The following SLC9A9 variants were observed in gnomAD, a reference collection of about 807,000 sequenced individuals.
SLC9A9 encodes the protein sodium/hydrogen exchanger 9.
A neutral mutation model predicts 77.8 loss-of-function variants in SLC9A9; 62 were observed. The observed-to-expected ratio is 0.80, with a 90% CI of 0.65 to 0.98. SLC9A9 has a LOEUF of 0.98. Ranked by LOEUF, SLC9A9 falls within the 50% of genes least tolerant of loss-of-function variation. SLC9A9 has a pLI of 0.00. For missense variants in SLC9A9, 775 were observed against 774.9 expected (o/e 1.00, Z 0.00); for synonymous variants, 320 against 283.5 (o/e 1.13, Z -1.29).
chr3:143,785,522 A>G (rs1474515105), intron 4 of SLC9A9, among the ~76,000 whole-genome samples: 1 of 152,214 alleles, frequency 6.6e-6, no homozygotes, highest in Non-Finnish European at 1.5e-5. Flanking sequence ...AGAACCACAG[A>G]ACTGCCCAGC....
chr3:143,532,336 C>T (rs1025561737), intron 9 of SLC9A9, among the ~76,000 whole-genome samples: 1 of 152,062 alleles, frequency 6.6e-6, no homozygotes, highest in African/African-American at 2.4e-5. Context: ...GGCTCCAGCA[C>T]ACTACTGGAT....
chr3:143,397,011 G>T (rs1268588838), intron 12 of SLC9A9, among the ~76,000 whole-genome samples: 1 of 152,214 alleles, frequency 6.6e-6, no homozygotes, highest in African/African-American at 2.4e-5. Flanking sequence ...CACAAATGCA[G>T]ATCTACATCC....
At chr3:143,648,645 G>A (rs1485773879) in intron 6 of SLC9A9, among the ~76,000 whole-genome samples, 2 of 152,178 alleles carry the variant, frequency 1.3e-5, no homozygotes, top group Non-Finnish European at 2.9e-5. Flanking sequence ...TATTACCTGA[G>A]CAATAATTCT....
chr3:143,735,126 T>G (rs1009912820), intron 4 of SLC9A9, among the ~76,000 whole-genome samples: 8 of 152,222 alleles, frequency 5.3e-5, no homozygotes, highest in African/African-American at 1.9e-4. Flanking sequence ...ACAGCCACAC[T>G]TCCTGTCCTT....
intron 4 of SLC9A9, among the ~76,000 whole-genome samples, chr3:143,788,402 A>G (rs2008118379): frequency 6.6e-6 from 1 of 152,146 alleles, no homozygotes; most frequent in Non-Finnish European, 1.5e-5. Context: ...AAAAGACATC[A>G]TGTATGAACT....
chr3:143,602,602 T>C (rs1293107233), intron 6 of SLC9A9, among the ~76,000 whole-genome samples: 1 of 152,218 alleles, frequency 6.6e-6, no homozygotes, highest in Admixed American at 6.5e-5. Context: ...ATAATTTCTT[T>C]TAAAAGACTA....
At chr3:143,558,651 G>T (rs527540673) in intron 8 of SLC9A9, among the ~76,000 whole-genome samples, 1 of 152,168 alleles carries the variant, frequency 6.6e-6, no homozygotes, top group Admixed American at 6.5e-5. Context: ...TCTCCTATTT[G>T]GAATGCAATG....
intron 11 of SLC9A9, among the ~76,000 whole-genome samples, chr3:143,477,991 C>T (rs571591558): frequency 3.1e-4 from 47 of 152,324 alleles, no homozygotes; most frequent in Non-Finnish European, 5.3e-4. Flanking sequence ...GGCTTTCTCT[C>T]GCTCTAGCTC....
intron 5 of SLC9A9, among the ~76,000 whole-genome samples, chr3:143,684,210 G>A (rs1282142251): frequency 2.0e-5 from 3 of 151,834 alleles, no homozygotes; most frequent in Non-Finnish European, 4.4e-5. Flanking sequence ...AGAACTCAAT[G>A]GGCCTTTTAT....
intron 12 of SLC9A9, among the ~76,000 whole-genome samples, chr3:143,407,994 G>C (rs922313062): frequency 6.6e-5 from 10 of 152,164 alleles, no homozygotes; most frequent in African/African-American, 2.4e-4. Flanking sequence ...AAGTTCCTGC[G>C]GAGGGCTTTT....
intron 6 of SLC9A9, among the ~76,000 whole-genome samples, chr3:143,628,576 C>T (rs548145640): frequency 1.3e-5 from 2 of 152,246 alleles, no homozygotes; most frequent in African/African-American, 4.8e-5. Flanking sequence ...TACCTCAAAG[C>T]ATTGTACATT....
chr3:143,440,487 A>G (rs55715785), intron 12 of SLC9A9, among the ~76,000 whole-genome samples: 2,221 of 152,336 alleles, frequency 0.015, 55 homozygotes, highest in African/African-American at 0.05. Flanking sequence ...TGAAGGCTCC[A>G]TGACTTCACA....
Position 143,653,946 on chromosome 3 carries a change from G to C in SLC9A9, c.650-1586C>G, listed in dbSNP as rs75438522. 2.5e-3 allele frequency among the ~76,000 whole-genome samples: 388 copies of C among 152,296 alleles called. 6 individuals carry two copies. In the East Asian group the frequency reaches 0.035, roughly 14 times the overall value. ...AAGCCTTTAATGAGTGAACGAATAA[G>C]AGAGAACATCAAGGAAGATATAGCA... On this transcript the variant is annotated intron_variant, in intron 5 of 15. Coordinates refer to ENST00000316549, the MANE Select transcript of SLC9A9 (RefSeq NM_173653.4).
At chr3:143,272,544 G>A (rs945018244) in intron 14 of SLC9A9, among the ~76,000 whole-genome samples, 7 of 152,116 alleles carry the variant, frequency 4.6e-5, no homozygotes, top group East Asian at 1.9e-4. Flanking sequence ...ACTGAGTAAC[G>A]GGACTTGCCT....
intron 6 of SLC9A9, among the ~76,000 whole-genome samples, chr3:143,630,422 C>T (rs1185281299): frequency 2.0e-5 from 3 of 152,158 alleles, no homozygotes; most frequent in Non-Finnish European, 4.4e-5. Flanking sequence ...AGTGAATTGT[C>T]TTTTTGCTCT....
intron 4 of SLC9A9, among the ~76,000 whole-genome samples, chr3:143,753,922 C>T (rs1203791053): frequency 6.6e-6 from 1 of 152,124 alleles, no homozygotes; most frequent in Non-Finnish European, 1.5e-5. Flanking sequence ...TTTAACTCAC[C>T]AGAGACTGCC....
chr3:143,363,496 C>T lies in SLC9A9; in HGVS notation c.1592G>A (p.Ser531Asn), dbSNP rs757976578. The change falls in exon 14 of 16, where the codon AGC becomes AAC. Residue 531 changes from serine to asparagine, a missense_variant. Transcript: ENST00000316549. ...ESARLFRMWY[S>N]FDHKYLKPIL... ...TATCAAAGGATACTTGTGGTCAAAG[C>T]TATACCACATTCTGAAGAGCCGAGC... The T allele has an allele frequency of 1.4e-5, 23 of 1,612,496 alleles. No homozygotes were observed. Among genetic ancestry groups the T allele is most frequent in the Middle Eastern group, 1.6e-4 (1 of 6,074 alleles).
At chr3:143,621,189 G>A (rs955884186) in intron 6 of SLC9A9, among the ~76,000 whole-genome samples, 3 of 152,214 alleles carry the variant, frequency 2.0e-5, no homozygotes. Flanking sequence ...ACCTCTGGGG[G>A]CAGGGCATTG....
chr3:143,268,852 C>G (rs999427524), intron 15 of SLC9A9, 23 bp downstream of exon 15: 1 of 1,585,214 alleles, frequency 6.3e-7, no homozygotes, highest in Admixed American at 1.7e-5. Context: ...TTCCCTCACC[C>G]TAGAGGCCTG....
Sources: gnomAD v4.1 joint callset for allele counts (sites outside exome capture counted in the v4.1 genomes callset) on GRCh38, gnomAD v4.1.1 for gene constraint, MANE v1.5 for transcripts, NCBI Gene and HGNC (gene_info 2026-07-23, HGNC 2026-07-21) for gene names.